The following NTM variants were observed in gnomAD, a reference collection of about 807,000 sequenced individuals.
NTM encodes the protein IgLON family member 2.
In NTM, 13 loss-of-function variants were observed where a neutral mutation model predicts 42.1. The observed-to-expected ratio is 0.31, with a 90% CI of 0.20 to 0.49. The LOEUF (loss-of-function observed/expected upper bound fraction) is 0.49. NTM is among the 20% of genes least tolerant of loss of function. The pLI, the probability that NTM is intolerant of heterozygous loss-of-function variation, is 0.99. For synonymous variants in NTM, 187 were observed against 179.2 expected (o/e 1.04, Z -0.35); for missense variants, 373 against 452.8 (o/e 0.82, Z 1.60).
intron 2 of NTM, among the ~76,000 whole-genome samples, chr11:131,914,864 C>T (rs1337358344): frequency 1.3e-5 from 2 of 152,296 alleles, no homozygotes; most frequent in South Asian, 2.1e-4. Flanking sequence ...TAATATCTCA[C>T]CTATCATTCA....
chr11:132,181,192 A>C (rs1435158067), intron 3 of NTM, among the ~76,000 whole-genome samples: 1 of 151,828 alleles, frequency 6.6e-6, no homozygotes, highest in Non-Finnish European at 1.5e-5. Context: ...CTTTCACCCA[A>C]CTCTCACCAC....
intron 1 of NTM, among the ~76,000 whole-genome samples, chr11:131,639,819 G>C (rs1262778943): frequency 6.6e-6 from 1 of 152,094 alleles, no homozygotes; most frequent in Non-Finnish European, 1.5e-5. Flanking sequence ...AGCCGGGTGT[G>C]GTGGCGGGCG....
At chr11:132,164,214 T>C (rs753352898) in intron 3 of NTM, among the ~76,000 whole-genome samples, 1 of 152,224 alleles carries the variant, frequency 6.6e-6, no homozygotes, top group Non-Finnish European at 1.5e-5. Flanking sequence ...TTATGTGTTC[T>C]CTGGCTTTGT....
intron 1 of NTM, among the ~76,000 whole-genome samples, chr11:131,524,808 C>T (rs114663415): frequency 0.022 from 3,327 of 152,236 alleles, 129 homozygotes; most frequent in African/African-American, 0.075. Flanking sequence ...TGATCAGTGG[C>T]GGCCGGGACC....
intron 3 of NTM, among the ~76,000 whole-genome samples, chr11:132,149,157 G>T (rs962809041): frequency 7.2e-6 from 1 of 139,418 alleles, no homozygotes; most frequent in Non-Finnish European, 1.5e-5. Flanking sequence ...TCTTCAAAGC[G>T]ATCAGACAAA....
At chr11:131,801,013 C>T (rs1244534882) in intron 1 of NTM, among the ~76,000 whole-genome samples, 1 of 152,074 alleles carries the variant, frequency 6.6e-6, no homozygotes, top group African/African-American at 2.4e-5. Flanking sequence ...TTGGGACTCT[C>T]AGAGATGTTG....
chr11:131,871,997 T>C (rs1358242623), intron 1 of NTM, among the ~76,000 whole-genome samples: 1 of 152,254 alleles, frequency 6.6e-6, no homozygotes, highest in East Asian at 1.9e-4. Context: ...ACATGCTGTG[T>C]ACACATGTCT....
intron 1 of NTM, among the ~76,000 whole-genome samples, chr11:131,406,127 G>T (rs978793630): frequency 6.6e-6 from 1 of 152,144 alleles, no homozygotes; most frequent in Non-Finnish European, 1.5e-5. Flanking sequence ...AAATGACAGG[G>T]TATTGTCTTG....
intron 1 of NTM, among the ~76,000 whole-genome samples, chr11:131,868,154 C>G (rs867522870): frequency 6.6e-6 from 1 of 152,280 alleles, no homozygotes. Context: ...ATTTTAAAGT[C>G]TGGATAAACC....
intron 2 of NTM, among the ~76,000 whole-genome samples, chr11:131,973,254 G>A (rs1245385994): frequency 6.6e-6 from 1 of 152,162 alleles, no homozygotes; most frequent in East Asian, 1.9e-4. Context: ...CTTCCAATAG[G>A]ATACAGAGGG....
chr11:131,789,035 A>T (rs73595137), intron 1 of NTM, among the ~76,000 whole-genome samples: 1 of 151,606 alleles, frequency 6.6e-6, no homozygotes, highest in African/African-American at 2.4e-5. Context: ...TGCGTGGAGC[A>T]CTCTCTGAAT....
At chr11:131,965,874 C>T (rs2134591824) in intron 2 of NTM, among the ~76,000 whole-genome samples, 1 of 134,456 alleles carries the variant, frequency 7.4e-6, no homozygotes, top group South Asian at 2.5e-4. Flanking sequence ...CTAAATAGTA[C>T]ATGGAAAAAG....
chr11:131,905,342 A>C (rs943979600), intron 1 of NTM, among the ~76,000 whole-genome samples: 1 of 152,058 alleles, frequency 6.6e-6, no homozygotes, highest in African/African-American at 2.4e-5. Flanking sequence ...ATGAACACAC[A>C]ATGTCGATGG....
intron 1 of NTM, among the ~76,000 whole-genome samples, chr11:131,626,673 T>C (rs1459345364): frequency 6.6e-6 from 1 of 152,198 alleles, no homozygotes; most frequent in Non-Finnish European, 1.5e-5. Context: ...ACTCAAATGA[T>C]TGAACTGGAA....
chr11:132,147,355 A>G (rs139580126), intron 3 of NTM, among the ~76,000 whole-genome samples: 3 of 152,200 alleles, frequency 2.0e-5, no homozygotes, highest in African/African-American at 7.2e-5. Flanking sequence ...AAGGATTCCT[A>G]GTTAGTGAGC....
intron 1 of NTM, among the ~76,000 whole-genome samples, chr11:131,391,121 T>C (rs1011302293): frequency 6.6e-6 from 1 of 152,218 alleles, no homozygotes; most frequent in Non-Finnish European, 1.5e-5. Context: ...TTATGTGTGA[T>C]ATTTTATTTA....
chr11:131,928,149 C>T (rs576564572), intron 2 of NTM, among the ~76,000 whole-genome samples: 65 of 151,782 alleles, frequency 4.3e-4, no homozygotes, highest in Non-Finnish European at 7.2e-4. Flanking sequence ...AAACCAACAT[C>T]GGTAGAAGCA....
In NTM at chr11:131,401,826, A is replaced by ATGTG. The variant is rs1440429853; in HGVS notation, c.82+30939_82+30940insGTGT. ...TATATATATATATATATATATATAT[A>ATGTG]TATATATATATATATATATATATAT... On this transcript the variant is annotated intron_variant, in intron 1 of 8. Transcript: ENST00000683400. Among the ~76,000 whole-genome samples the ATGTG allele has an allele frequency of 3.2e-3, 191 of 60,510 alleles. 5 individuals are homozygous for ATGTG. Among genetic ancestry groups the ATGTG allele is most frequent in the African/African-American group, 6.8e-3 (97 of 14,170 alleles). The allele number at this position is 60,510 out of a possible 152,430, so 39.7% of individuals were successfully genotyped here.
chr11:131,563,761 C>T (rs1337352266), intron 1 of NTM, among the ~76,000 whole-genome samples: 1 of 152,032 alleles, frequency 6.6e-6, no homozygotes, highest in African/African-American at 2.4e-5. Flanking sequence ...ATGGCCTGTG[C>T]TTTTTATGGT....
Sources: gnomAD v4.1 joint callset for allele counts (sites outside exome capture counted in the v4.1 genomes callset) on GRCh38, gnomAD v4.1.1 for gene constraint, MANE v1.5 for transcripts, NCBI Gene and HGNC (gene_info 2026-07-23, HGNC 2026-07-21) for gene names.